Variants in IFT74 observed in about 807,000 individuals in gnomAD.
IFT74 encodes intraflagellar transport 74.
A neutral mutation model predicts 96.7 loss-of-function variants in IFT74; 92 were observed. That is an observed-to-expected ratio of 0.95 (90% CI 0.80 to 1.13). The LOEUF is 1.13. IFT74 is among the 50% of genes most tolerant of loss of function. The probability of loss-of-function intolerance (pLI) is 0.00; values close to 1 mark genes in which losing one functional copy is unlikely to be tolerated. For synonymous variants in IFT74, 223 were observed against 213.2 expected, an observed-to-expected ratio of 1.05 and a Z score of -0.40; for missense variants, 811 against 698.2, an observed-to-expected ratio of 1.16 and a Z score of -1.82.
At chr9:27,052,507 C>CAAAAAAAAAAAAAAAAAAAAAAAAAA (rs1187027414) in intron 16 of IFT74, among the ~76,000 whole-genome samples, 1 of 57,204 alleles carries the variant, frequency 1.7e-5, no homozygotes, top group Admixed American at 2.0e-4. Flanking sequence ...AAATCTATCT[C>CAAAAAAAAAAAAAAAAAAAAAAAAAA]AAAAAAAAAA....
chr9:27,022,013 T>C (rs1829628350), intron 12 of IFT74, among the ~76,000 whole-genome samples: 1 of 152,262 alleles, frequency 6.6e-6, no homozygotes, highest in African/African-American at 2.4e-5. Flanking sequence ...TTGTATAAGA[T>C]GAGAGATGAG....
intron 9 of IFT74, among the ~76,000 whole-genome samples, chr9:27,009,475 T>G (rs1433709497): frequency 6.6e-6 from 1 of 152,200 alleles, no homozygotes; most frequent in Non-Finnish European, 1.5e-5. Context: ...CTATAAATAT[T>G]TGCATTTATA....
chr9:27,018,792 T>A, intron 12 of IFT74, 105 bp downstream of exon 12: 1 of 602,088 alleles, frequency 1.7e-6, no homozygotes, highest in Non-Finnish European at 2.8e-6. Context: ...ACTTATAGCT[T>A]TAAATATTTC....
chr9:26,962,940 C>A (rs1263882633), intron 2 of IFT74, among the ~76,000 whole-genome samples: 1 of 130,140 alleles, frequency 7.7e-6, no homozygotes, highest in Admixed American at 7.5e-5. Flanking sequence ...TTTTTTTTTT[C>A]TTTTTTTCTT....
intron 13 of IFT74, among the ~76,000 whole-genome samples, chr9:27,037,583 G>C (rs1336754729): frequency 3.9e-5 from 6 of 152,190 alleles, no homozygotes; most frequent in Non-Finnish European, 8.8e-5. Flanking sequence ...TGTTATAGAA[G>C]AAGAGGCCTA....
chr9:27,037,485 C>G (rs916079691), intron 13 of IFT74, among the ~76,000 whole-genome samples: 2 of 152,172 alleles, frequency 1.3e-5, no homozygotes, highest in African/African-American at 4.8e-5. Flanking sequence ...GATGACCAGG[C>G]AGTATCAGCA....
chr9:26,961,838 CGG>C, intron 1 of IFT74, 109 bp from the exon 2 acceptor site: 1 of 1,109,108 alleles, frequency 9.0e-7, no homozygotes, highest in Non-Finnish European at 1.3e-6. Context: ...GTACACAGAA[CGG>C]CAGTTTGCAA....
intron 8 of IFT74, chr9:26,996,585 C>T: frequency 2.1e-6 from 2 of 957,984 alleles, no homozygotes; most frequent in Non-Finnish European, 2.8e-6. Context: ...GAATTTTTGA[C>T]ATATTTGTCA....
intron 8 of IFT74, chr9:26,997,859 T>G (rs1169775466): frequency 1.9e-6 from 3 of 1,614,072 alleles, no homozygotes; most frequent in Admixed American, 3.3e-5. Flanking sequence ...GCTAATCAAA[T>G]TGCCTTGCAG....
At chr9:26,972,889 G>A (rs1826938439) in intron 2 of IFT74, among the ~76,000 whole-genome samples, 1 of 152,128 alleles carries the variant, frequency 6.6e-6, no homozygotes, top group African/African-American at 2.4e-5. Flanking sequence ...AATATGTATA[G>A]AGAAGTCACC....
chr9:26,999,556 A>AAT (rs1267690578), intron 8 of IFT74: 23 of 1,298,812 alleles, frequency 1.8e-5, no homozygotes, highest in Non-Finnish European at 2.5e-5. Context: ...TATTTTACTA[A>AAT]ATATACAGAA....
At chr9:26,951,105 T>C (rs150077771) in intron 1 of IFT74, among the ~76,000 whole-genome samples, 1 of 152,326 alleles carries the variant, frequency 6.6e-6, no homozygotes, top group African/African-American at 2.4e-5. Context: ...AGAAAATGCA[T>C]GGAATAGTTG....
chr9:27,001,247 A>G (rs533965330), intron 8 of IFT74, among the ~76,000 whole-genome samples: 1 of 152,096 alleles, frequency 6.6e-6, no homozygotes, highest in Admixed American at 6.6e-5. Flanking sequence ...TGCTCTTGTG[A>G]ATAGTCCTCC....
chr9:27,054,668 G>T (rs117589733), intron 16 of IFT74, among the ~76,000 whole-genome samples: 4 of 152,260 alleles, frequency 2.6e-5, no homozygotes, highest in Admixed American at 6.5e-5. Context: ...GCATTTTCAT[G>T]ATCATTTGTG....
intron 12 of IFT74, among the ~76,000 whole-genome samples, chr9:27,028,629 G>A (rs1012287165): frequency 6.6e-6 from 1 of 152,108 alleles, no homozygotes; most frequent in East Asian, 1.9e-4. Flanking sequence ...GGAGGCGCGT[G>A]CCTCTAGTCC....
chr9:27,061,939 T>G (rs1418535621), intron 19 of IFT74, among the ~76,000 whole-genome samples: 1 of 152,178 alleles, frequency 6.6e-6, no homozygotes, highest in Non-Finnish European at 1.5e-5. Flanking sequence ...TGTTGTGAAG[T>G]TGTAACAGAT....
intron 4 of IFT74, among the ~76,000 whole-genome samples, chr9:26,983,357 G>T (rs903590280): frequency 2.6e-5 from 4 of 152,194 alleles, no homozygotes; most frequent in Admixed American, 2.6e-4. Context: ...AATAGTTCTA[G>T]CTATTTGTGT....
intron 8 of IFT74, among the ~76,000 whole-genome samples, chr9:27,005,912 T>C (rs2131594226): frequency 6.6e-6 from 1 of 152,314 alleles, no homozygotes. Flanking sequence ...TGATCTCGGC[T>C]CAATGCAACC....
At position 27,056,843 on chromosome 9, in the gene IFT74, G is replaced by A. The variant is rs1376517520; in HGVS notation, c.1623+384G>A. Among the ~76,000 whole-genome samples the A allele has an allele frequency of 2.0e-5, 3 of 148,898 alleles. No homozygotes were observed. The East Asian group carries it at 5.9e-4, about 29-fold the overall frequency. On this transcript the variant is annotated intron_variant, in intron 18 of 19. Transcript: ENST00000380062. ...AATGCTTATTGTTGCTTTAGTGTGG[G>A]TTCTTTTAGTCAATGGATAGATAGA...
Sources: allele counts gnomAD v4.1 joint callset (sites outside exome capture counted in the v4.1 genomes callset), GRCh38; gene constraint gnomAD v4.1.1; transcripts MANE v1.5; gene names NCBI Gene and HGNC (gene_info 2026-07-23, HGNC 2026-07-21).